Variants in PTPRF observed in about 807,000 individuals in gnomAD.
The protein encoded by PTPRF is protein tyrosine phosphatase receptor type F, also known as receptor-type tyrosine-protein phosphatase F.
In PTPRF, 59 loss-of-function variants were observed where a neutral mutation model predicts 201.8. The ratio of observed to expected loss-of-function variants is 0.29; its 90% CI spans 0.24 to 0.36. The LOEUF is 0.36. PTPRF is among the 10% of genes least tolerant of loss of function. The pLI is 1.00. For synonymous variants in PTPRF, 1,088 were observed against 1,089.7 expected (o/e 1.00, Z 0.03); for missense variants, 2,132 against 2,690.5 (o/e 0.79, Z 4.59).
intron 33 of PTPRF, 29 bp downstream of exon 33, chr1:43,621,261 GC>G (rs1557883011): frequency 6.2e-7 from 1 of 1,609,580 alleles, no homozygotes; most frequent in East Asian, 2.2e-5. Context: ...CAGGGCCAGG[GC>G]CTTGGCAGCA....
chr1:43,592,211 A>T (rs3748797), intron 10 of PTPRF, among the ~76,000 whole-genome samples: 39,531 of 151,982 alleles, frequency 0.26, 6,091 homozygotes, highest in East Asian at 0.48. Flanking sequence ...TATGACTGGC[A>T]GAGCCCTGAA....
At position 43,613,297 on chromosome 1, in the gene PTPRF, C is replaced by T. The variant is rs1656938108; in HGVS notation, c.3974-321C>T. The T allele has an allele frequency of 4.0e-5, 14 of 352,862 alleles. 1 individual carries two copies. The highest frequency in any genetic ancestry group is 3.7e-4 in the South Asian group (14 of 37,920). 21.9% of individuals were successfully genotyped at this position (352,862 alleles called of 1,614,324 possible). ...CCAGCTCCTGTCACGTCTGCTGCCA[C>T]CGACCTGGGCGTCCCACCCCTCCTG... On this transcript the variant is annotated intron_variant, in intron 22 of 33. Coordinates refer to ENST00000359947, the MANE Select transcript of PTPRF (RefSeq NM_002840.5).
intron 6 of PTPRF, among the ~76,000 whole-genome samples, chr1:43,571,953 A>G (rs542292891): frequency 6.6e-6 from 1 of 152,366 alleles, no homozygotes; most frequent in Admixed American, 6.5e-5. Context: ...ATGGCAGTCA[A>G]ACCTTGAGTT....
chr1:43,599,001 C>A lies in PTPRF; in HGVS notation c.2313+88C>A, dbSNP rs2154021629. On this transcript the variant is annotated intron_variant, in intron 13 of 33. Transcript: ENST00000359947. ...TTTGGGGCCCAGATATGTCCCTCTT[C>A]CCCTGCCTGCCCTCAGCAGTGCTGT... 4 of 1,377,418 alleles carry A rather than the reference C, an allele frequency of 2.9e-6. No individual in the cohort carries two copies. In the South Asian group the frequency reaches 4.0e-5, roughly 14 times the overall value. 85.3% of individuals were successfully genotyped at this position (1,377,418 alleles called of 1,614,324 possible). A position where few individuals can be genotyped will look rare whatever the true frequency, so the allele number is the denominator to read the frequency against.
At chr1:43,580,574 C>G (rs1241114618) in intron 7 of PTPRF, among the ~76,000 whole-genome samples, 1 of 152,216 alleles carries the variant, frequency 6.6e-6, no homozygotes, top group Non-Finnish European at 1.5e-5. Flanking sequence ...CTGAAAACTT[C>G]CCAAATGGCC....
At chr1:43,526,712 T>G (rs1643130329), upstream of PTPRF, among the ~76,000 whole-genome samples, 1 of 152,154 alleles carries the variant, frequency 6.6e-6, no homozygotes. Context: ...GGGCTGCAAC[T>G]GCGGGGGCCT....
rs1194342670 is a variant in PTPRF, at chr1:43,546,598, G to A, written c.91+1432G>A. Among the ~76,000 whole-genome samples, 3 of 152,048 alleles carry A rather than the reference G, an allele frequency of 2.0e-5. No homozygotes were observed. Among genetic ancestry groups the A allele is most frequent in the Non-Finnish European group, 4.4e-5 (3 of 67,992 alleles). Reference sequence around the variant, plus strand: ...CGACCCAACCCCAGGCACTTTCAGGGCCTTCAGACAGGAGCTCTAGGGCAG... The same window carrying A: ...CGACCCAACCCCAGGCACTTTCAGGACCTTCAGACAGGAGCTCTAGGGCAG... On this transcript the variant is annotated intron_variant, in intron 3 of 33. Transcript: ENST00000359947. This position sits in a 1 kb window ranked among gnomAD's most constrained non-coding sequence, Gnocchi z 4.2.
intron 5 of PTPRF, among the ~76,000 whole-genome samples, chr1:43,567,242 T>G (rs1646249513): frequency 6.6e-6 from 1 of 152,088 alleles, no homozygotes; most frequent in South Asian, 2.1e-4. Context: ...GCCCTGCACC[T>G]CTGGTCCCCC....
At position 43,559,909 on chromosome 1, in the gene PTPRF, G is replaced by A. The variant is rs571043975; in HGVS notation, c.379+5968G>A. 1.7e-4 allele frequency among the ~76,000 whole-genome samples: 25 copies of A among 148,694 alleles called. No individual in the cohort carries two copies. The East Asian group carries it at 2.0e-3, about 12-fold the overall frequency. On this transcript the variant is annotated intron_variant, in intron 5 of 33. Coordinates refer to ENST00000359947, the MANE Select transcript of PTPRF (RefSeq NM_002840.5). ...TGTATCAGGCTGTGTGTGTGTGTGC[G>A]CGCGTGTGTACAGCAGGTGGTGTGT...
chr1:43,574,597 C>T (rs913470818), intron 6 of PTPRF, among the ~76,000 whole-genome samples: 10 of 152,328 alleles, frequency 6.6e-5, no homozygotes, highest in African/African-American at 2.4e-4. Context: ...CTGAAAAACT[C>T]TACGTTCATG....
intron 23 of PTPRF, among the ~76,000 whole-genome samples, chr1:43,615,898 G>C (rs1353079028): frequency 6.6e-6 from 1 of 152,106 alleles, no homozygotes; most frequent in African/African-American, 2.4e-5. Context: ...GTCAGTCATT[G>C]ATCACACATT....
chr1:43,548,957 G>A (rs1015616589), intron 3 of PTPRF, among the ~76,000 whole-genome samples: 1 of 152,214 alleles, frequency 6.6e-6, no homozygotes, highest in Non-Finnish European at 1.5e-5. Context: ...TCCCTGGGAG[G>A]TGGTTGCAGC....
intron 2 of PTPRF, among the ~76,000 whole-genome samples, chr1:43,543,464 G>C (rs780698914): frequency 6.6e-6 from 1 of 152,208 alleles, no homozygotes; most frequent in African/African-American, 2.4e-5. Context: ...ACCCTTCACC[G>C]TTCTTACTTT....
intron 22 of PTPRF, 85 bp from the exon 23 acceptor site, chr1:43,613,533 G>T: frequency 9.1e-7 from 1 of 1,100,492 alleles, no homozygotes; most frequent in Non-Finnish European, 1.4e-6. Flanking sequence ...ATGTTCACAT[G>T]TGCACATACA....
chr1:43,591,333 C>T lies in PTPRF; in HGVS notation c.1311C>T (p.Pro437=), dbSNP rs1191134865. The stretch of plus-strand genomic sequence containing the variant: ...CCATGCTGGTGCAGTGGGAGCCTCC[C>T]GAGGAGCCCAACGGCCTGGTGCGGG... ...ASTMLVQWEP[P]EEPNGLVRGY... is the part of the protein sequence containing the mutation. Residue 437 remains proline (P), a synonymous_variant, in exon 9 of 34, where the codon CCC becomes CCT. Coordinates refer to ENST00000359947, the MANE Select transcript of PTPRF (RefSeq NM_002840.5). 1.2e-5 allele frequency: 19 copies of T among 1,552,040 alleles called. No homozygotes were observed. The highest frequency in any genetic ancestry group is 4.9e-5 in the East Asian group (2 of 41,068).
upstream of PTPRF, among the ~76,000 whole-genome samples, chr1:43,527,212 CA>C (rs1313215888): frequency 2.6e-5 from 4 of 152,192 alleles, no homozygotes; most frequent in African/African-American, 9.7e-5. Context: ...AGCAGACACA[CA>C]ATGACCACAT....
At position 43,598,024 on chromosome 1, in the gene PTPRF, G is replaced by A. The variant is rs894516328; in HGVS notation, c.2090G>A (p.Ser697Asn). 1 of 1,511,756 alleles carries A rather than the reference G, an allele frequency of 6.6e-7. No individual in the cohort carries two copies. Among genetic ancestry groups the A allele is most frequent in the Non-Finnish European group, 8.9e-7 (1 of 1,122,518 alleles). The allele number at this position is 1,511,756 out of a possible 1,614,324, so 93.6% of individuals were successfully genotyped here. Residue 697 changes from serine to asparagine, a missense_variant, in exon 12 of 34, where the codon AGC becomes AAC. Ser to Asn is a conservative substitution (Grantham distance 46, BLOSUM62 1). This residue lies in a region of PTPRF where 125 missense variants were observed against 211.9 expected (regional missense o/e 0.59). Transcript: ENST00000359947. ...GACGTGGGCCCCGGCCCCGAGAGCAGCCCGGTGCTGGTGCGCACCGATGAG... is the reference window on the plus strand; with the variant it reads ...GACGTGGGCCCCGGCCCCGAGAGCAACCCGGTGCTGGTGCGCACCGATGAG... ...HTDVGPGPESSPVLVRTDEDV... is the reference protein window; with the variant it reads ...HTDVGPGPESNPVLVRTDEDV...
intron 6 of PTPRF, among the ~76,000 whole-genome samples, chr1:43,571,421 A>G (rs925309724): frequency 3.3e-5 from 5 of 152,074 alleles, no homozygotes; most frequent in African/African-American, 1.2e-4. Flanking sequence ...TTTCCAGCCC[A>G]AACCTCTTAC....
At position 43,560,295 on chromosome 1, in the gene PTPRF, G is replaced by A. The variant is rs996321857; in HGVS notation, c.379+6354G>A. 2.6e-5 allele frequency among the ~76,000 whole-genome samples: 4 copies of A among 151,682 alleles called. No homozygotes were observed. The East Asian group carries it at 7.7e-4, about 29-fold the overall frequency. ...CGCACACGCAACAGGCACTATATTT[G>A]TGCAGCAGGCCATGTGTGTGGTGCA... On this transcript the variant is annotated intron_variant, in intron 5 of 33. Coordinates refer to ENST00000359947, the MANE Select transcript of PTPRF (RefSeq NM_002840.5).
Sources: allele counts gnomAD v4.1 joint callset (sites outside exome capture counted in the v4.1 genomes callset), GRCh38; gene constraint gnomAD v4.1.1; regional missense constraint gnomAD v4.1.1; non-coding constraint Gnocchi (gnomAD v3.1); transcripts MANE v1.5; gene names NCBI Gene and HGNC (gene_info 2026-07-23, HGNC 2026-07-21).